MACC1: variants seen among roughly 807,000 people sequenced by gnomAD.
The protein encoded by MACC1 is MET transcriptional regulator MACC1.
MACC1 carries 79 observed loss-of-function variants against 70.7 expected under a neutral mutation model. The observed-to-expected ratio is 1.12, with a 90% CI of 0.93 to 1.35. The LOEUF is 1.35. Among genes scored for constraint, MACC1 ranks in the 40% most tolerant of loss-of-function variants. MACC1 has a pLI of 0.00. For synonymous variants in MACC1, 361 were observed against 347.2 expected (o/e 1.04, Z -0.44); for missense variants, 1,106 against 978.1 (o/e 1.13, Z -1.74).
intron 1 of MACC1, among the ~76,000 whole-genome samples, chr7:20,183,943 G>A (rs1020438114): frequency 2.6e-5 from 4 of 152,000 alleles, no homozygotes; most frequent in African/African-American, 9.7e-5. Flanking sequence ...CTTGAACGCA[G>A]GTGATTCATC....
In MACC1 at chr7:20,158,335, G is replaced by T; in HGVS notation, c.2026C>A (p.Leu676Met). 1 of 1,613,894 alleles carries T rather than the reference G, an allele frequency of 6.2e-7. No homozygotes were observed. Among genetic ancestry groups the T allele is most frequent in the Non-Finnish European group, 8.5e-7 (1 of 1,179,990 alleles). The change falls in exon 5 of 7, where the codon CTG becomes ATG. Residue 676 changes from leucine (L) to methionine (M), a missense_variant. By Grantham distance (15) the Leu-to-Met change is conservative (BLOSUM62 2). Coordinates refer to ENST00000400331, the MANE Select transcript of MACC1 (RefSeq NM_182762.4). Reference sequence around the variant, plus strand: ...ATTTGATCAAAATCTTCCAGGGACAGATGTGAGTAACCCAGGACATCAGCT... The same window carrying T: ...ATTTGATCAAAATCTTCCAGGGACATATGTGAGTAACCCAGGACATCAGCT... ...VLADVLGYSH[L>M]SLEDFDQIQA...
At position 20,217,316 on chromosome 7, in the gene MACC1, CA is replaced by C. The variant is rs1419889411; in HGVS notation, c.-236del. ...GCACTTACATTTGTGGAAGTGAGCC[CA>C]AGCTTCTTCAGTTCAGACACATGGT... On this transcript the variant is annotated 5_prime_UTR_variant, in exon 1 of 7. Coordinates refer to ENST00000400331, the MANE Select transcript of MACC1 (RefSeq NM_182762.4). The C allele has an allele frequency of 6.6e-6, 1 of 152,138 alleles. No homozygotes were observed. The highest frequency in any genetic ancestry group is 1.5e-5 in the Non-Finnish European group (1 of 68,024). 9.4% of individuals were successfully genotyped at this position (152,138 alleles called of 1,614,324 possible).
intron 2 of MACC1, 168 bp downstream of exon 2, chr7:20,170,546 T>A (rs1782288257): frequency 6.6e-6 from 1 of 152,208 alleles, no homozygotes; most frequent in Non-Finnish European, 1.5e-5. Flanking sequence ...AAGGGGAAAA[T>A]GTAAAAATTA....
At chr7:20,166,070 T>G (rs3095000) in intron 2 of MACC1, among the ~76,000 whole-genome samples, 97,370 of 152,074 alleles carry the variant, frequency 0.64, 32,578 homozygotes, top group East Asian at 0.9. Flanking sequence ...CCTTTGAATT[T>G]TTTATGATAG....
intron 6 of MACC1, among the ~76,000 whole-genome samples, chr7:20,153,758 C>T (rs1300885410): frequency 6.6e-6 from 1 of 152,166 alleles, no homozygotes; most frequent in African/African-American, 2.4e-5. Flanking sequence ...CTTACTACTT[C>T]TTGTCCCTGA....
intron 1 of MACC1, among the ~76,000 whole-genome samples, chr7:20,196,934 C>T (rs1782763302): frequency 6.6e-6 from 1 of 152,158 alleles, no homozygotes; most frequent in South Asian, 2.1e-4. Context: ...CCCTAATTTT[C>T]TATGGTACAC....
intron 6 of MACC1, among the ~76,000 whole-genome samples, chr7:20,148,239 G>C (rs1046644517): frequency 5.9e-5 from 9 of 152,118 alleles, no homozygotes; most frequent in African/African-American, 2.2e-4. Flanking sequence ...AAATGTTTTT[G>C]GCACACACCA....
Position 20,139,533 on chromosome 7 carries a change from A to G in MACC1, c.*1413T>C, listed in dbSNP as rs929326827. The G allele has an allele frequency of 2.0e-5, 3 of 152,178 alleles. No individual in the cohort carries two copies. The highest frequency in any genetic ancestry group is 4.4e-5 in the Non-Finnish European group (3 of 68,042). 9.4% of individuals were successfully genotyped at this position (152,178 alleles called of 1,614,324 possible). A position where few individuals can be genotyped will look rare whatever the true frequency, so the allele number is the denominator to read the frequency against. Reference sequence around the variant, plus strand: ...CATTTTTTAAAATTATCTATTACTTAGCACTACTAAAGTCAGAGTTCATGC... The same window carrying G: ...CATTTTTTAAAATTATCTATTACTTGGCACTACTAAAGTCAGAGTTCATGC... On this transcript the variant is annotated 3_prime_UTR_variant, in exon 7 of 7. Coordinates refer to ENST00000400331, the MANE Select transcript of MACC1 (RefSeq NM_182762.4).
chr7:20,192,308 T>C (rs1035912872), intron 1 of MACC1, among the ~76,000 whole-genome samples: 2 of 152,190 alleles, frequency 1.3e-5, no homozygotes, highest in Admixed American at 6.5e-5. Flanking sequence ...AGCCTCTAAT[T>C]CTTTGCTATT....
Position 20,169,201 on chromosome 7 carries a change from G to A in MACC1, c.-153+1513C>T, listed in dbSNP as rs796098897. 5.5e-4 allele frequency among the ~76,000 whole-genome samples: 84 copies of A among 152,276 alleles called. 1 individual carries two copies. Among genetic ancestry groups the A allele is most frequent in the African/African-American group, 1.9e-3 (81 of 41,558 alleles). Reference sequence around the variant, plus strand: ...TGCCATAAAATATTCCCAGTGATATGTCTCTCAGGTTTAACTTTAAGCAAT... The same window carrying A: ...TGCCATAAAATATTCCCAGTGATATATCTCTCAGGTTTAACTTTAAGCAAT... On this transcript the variant is annotated intron_variant, in intron 2 of 6. Coordinates refer to ENST00000400331, the MANE Select transcript of MACC1 (RefSeq NM_182762.4).
rs187382648 is a variant in MACC1 at position 20,172,842 on chromosome 7, T to C, written c.-217-2064A>G. 5.9e-5 allele frequency among the ~76,000 whole-genome samples: 9 copies of C among 152,340 alleles called. 1 individual carries two copies. Among genetic ancestry groups the C allele is most frequent in the Non-Finnish European group, 1.0e-4 (7 of 68,026 alleles). On this transcript the variant is annotated intron_variant, in intron 1 of 6. Transcript: ENST00000400331. ...CAAGGTCAGGAGCCTATCTCCTTGC[T>C]GAGAGCCTGTGCTGCTCTGGGGAAG... is the stretch of plus-strand genomic sequence containing the variant.
chr7:20,197,853 C>T (rs1301300198), intron 1 of MACC1, among the ~76,000 whole-genome samples: 3 of 152,130 alleles, frequency 2.0e-5, no homozygotes, highest in Non-Finnish European at 4.4e-5. Context: ...GAAATGTTTC[C>T]AAATCTACCA....
At chr7:20,179,073 C>T (rs967434479) in intron 1 of MACC1, among the ~76,000 whole-genome samples, 11 of 151,936 alleles carry the variant, frequency 7.2e-5, no homozygotes, top group Admixed American at 6.6e-5. Context: ...TCTTTTGCTT[C>T]GTGCTGTGTT....
rs999696587 is a variant in MACC1, at chr7:20,136,961, G to T, written c.*3985C>A. On this transcript the variant is annotated 3_prime_UTR_variant, in exon 7 of 7. Transcript: ENST00000400331. ...ATAATTATTAATTCTTAAAGATTAT[G>T]AATTATAATATTAAATTATAATTAA... is the stretch of plus-strand genomic sequence containing the variant. 3.4e-5 allele frequency: 5 copies of T among 147,562 alleles called. No homozygotes were observed. Among genetic ancestry groups the T allele is most frequent in the South Asian group, 4.2e-4 (2 of 4,734 alleles). The allele number at this position is 147,562 out of a possible 1,614,324, so 9.1% of individuals were successfully genotyped here. A position where few individuals can be genotyped will look rare whatever the true frequency, so the allele number is the denominator to read the frequency against.
At position 20,159,903 on chromosome 7, in the gene MACC1, G is replaced by T; in HGVS notation, c.458C>A (p.Ala153Asp). ...LLDILDDTAH[A>D]HQSIHNSDQI... is the part of the protein sequence containing the mutation. ...GTCAGAGTTATGTATACTCTGATGGGCATGTGCTGTGTCGTCTAAAATGTC... is the reference window on the plus strand; with the variant it reads ...GTCAGAGTTATGTATACTCTGATGGTCATGTGCTGTGTCGTCTAAAATGTC... Residue 153 changes from alanine (A) to aspartate (D), a missense_variant, in exon 5 of 7, where the codon GCC becomes GAC. By Grantham distance (126) the Ala-to-Asp change is moderately radical. Transcript: ENST00000400331. 1 of 1,614,128 alleles carries T rather than the reference G, an allele frequency of 6.2e-7. No homozygotes were observed. Among genetic ancestry groups the T allele is most frequent in the Non-Finnish European group, 8.5e-7 (1 of 1,180,024 alleles).
chr7:20,177,724 T>G (rs77937748), intron 1 of MACC1, among the ~76,000 whole-genome samples: 1 of 27,840 alleles, frequency 3.6e-5, no homozygotes, highest in Non-Finnish European at 5.6e-5. Context: ...GCCTTTGTTG[T>G]TTTTTTTTTT....
chr7:20,140,920 T>C lies in MACC1; in HGVS notation c.*26A>G. 6.4e-7 allele frequency: 1 copy of C among 1,568,894 alleles called. No homozygotes were observed. The highest frequency in any genetic ancestry group is 8.7e-7 in the Non-Finnish European group (1 of 1,146,978). On this transcript the variant is annotated 3_prime_UTR_variant, in exon 7 of 7. Coordinates refer to ENST00000400331, the MANE Select transcript of MACC1 (RefSeq NM_182762.4). ...ACACACACCATTACCTCATTTTCCC[T>C]CCCATCAAAAACACACGCTTTGTTT...
At chr7:20,214,260 C>T (rs933346885) in intron 1 of MACC1, among the ~76,000 whole-genome samples, 4 of 152,150 alleles carry the variant, frequency 2.6e-5, no homozygotes, top group African/African-American at 9.7e-5. Flanking sequence ...CTTATTCCAG[C>T]ATTATCATCC....
intron 6 of MACC1, among the ~76,000 whole-genome samples, chr7:20,143,935 T>C (rs1781848424): frequency 6.6e-6 from 1 of 152,106 alleles, no homozygotes; most frequent in African/African-American, 2.4e-5. Context: ...CTGAAAACAA[T>C]AGGGCGTTGG....
Sources: allele counts gnomAD v4.1 joint callset (sites outside exome capture counted in the v4.1 genomes callset), GRCh38; gene constraint gnomAD v4.1.1; transcripts MANE v1.5; gene names NCBI Gene and HGNC (gene_info 2026-07-23, HGNC 2026-07-21).